TNKS: variants seen among roughly 807,000 people sequenced by gnomAD.
TNKS encodes tankyrase.
A neutral mutation model predicts 135.8 loss-of-function variants in TNKS; 72 were observed. The ratio of observed to expected loss-of-function variants is 0.53; its 90% CI spans 0.44 to 0.64. The LOEUF is 0.64. Ranked by LOEUF, TNKS falls within the 30% of genes least tolerant of loss-of-function variation. The pLI is 0.00. For missense variants in TNKS, 1,769 were observed against 1,674.0 expected, an observed-to-expected ratio of 1.06 and a Z score of -0.99; for synonymous variants, 849 against 649.3, an observed-to-expected ratio of 1.31 and a Z score of -4.68.
intron 5 of TNKS, among the ~76,000 whole-genome samples, chr8:9,686,070 C>A (rs1471671311): frequency 1.3e-5 from 2 of 152,184 alleles, no homozygotes; most frequent in East Asian, 3.8e-4. Context: ...GTCTAGCCCC[C>A]TGCCACACTG....
intron 21 of TNKS, 76 bp downstream of exon 21, chr8:9,761,712 C>T (rs1807158397): frequency 1.4e-6 from 2 of 1,455,826 alleles, no homozygotes; most frequent in African/African-American, 1.5e-5. Context: ...TAATTGAACT[C>T]AGGCAGTCCA....
At chr8:9,586,901 C>A (rs1252502532) in intron 2 of TNKS, among the ~76,000 whole-genome samples, 1 of 152,030 alleles carries the variant, frequency 6.6e-6, no homozygotes. Context: ...CTGCGAAGAA[C>A]AATGAAACAG....
chr8:9,729,030 G>A (rs999469126), intron 13 of TNKS, among the ~76,000 whole-genome samples: 1 of 152,172 alleles, frequency 6.6e-6, no homozygotes, highest in Non-Finnish European at 1.5e-5. Flanking sequence ...CCAGGTACTC[G>A]TAGGCTTAGT....
At chr8:9,681,928 C>T (rs1802799214) in intron 5 of TNKS, among the ~76,000 whole-genome samples, 1 of 151,944 alleles carries the variant, frequency 6.6e-6, no homozygotes, top group Non-Finnish European at 1.5e-5. Context: ...TATTTTGTTT[C>T]TCTGGGTAAT....
intron 5 of TNKS, among the ~76,000 whole-genome samples, chr8:9,698,374 G>GAAAAAAAAAAAAAA (rs34311181): frequency 1.1e-4 from 11 of 98,764 alleles, no homozygotes; most frequent in East Asian, 7.3e-4. Context: ...ATTTTAAAAT[G>GAAAAAAAAAAAAAA]AAAAAAAAAA....
At chr8:9,715,858 G>T (rs1488607540) in intron 11 of TNKS, among the ~76,000 whole-genome samples, 2 of 151,918 alleles carry the variant, frequency 1.3e-5, no homozygotes, top group African/African-American at 4.8e-5. Flanking sequence ...GTCTAAATAG[G>T]AAAGACATGA....
chr8:9,736,098 T>G (rs1475912574), intron 17 of TNKS, among the ~76,000 whole-genome samples: 5 of 149,076 alleles, frequency 3.4e-5, no homozygotes, highest in Admixed American at 1.3e-4. Context: ...ATATATAATG[T>G]AAAATAATAT....
At chr8:9,669,443 A>G (rs1802167553) in intron 3 of TNKS, among the ~76,000 whole-genome samples, 3 of 149,206 alleles carry the variant, frequency 2.0e-5, no homozygotes, top group Admixed American at 6.8e-5. Flanking sequence ...AAAAAAAAAA[A>G]AGAATGGAAA....
chr8:9,690,610 A>G (rs1023721878), intron 5 of TNKS, among the ~76,000 whole-genome samples: 1 of 152,130 alleles, frequency 6.6e-6, no homozygotes, highest in African/African-American at 2.4e-5. Context: ...AAATGTAAAA[A>G]TTAGCTGGGT....
chr8:9,775,841 C>A (rs935179877), intron 26 of TNKS, among the ~76,000 whole-genome samples: 1 of 152,080 alleles, frequency 6.6e-6, no homozygotes, highest in Non-Finnish European at 1.5e-5. Flanking sequence ...CTCTGAACTA[C>A]TGAATCTAGT....
intron 2 of TNKS, among the ~76,000 whole-genome samples, chr8:9,586,846 G>A (rs1798400203): frequency 6.6e-6 from 1 of 151,678 alleles, no homozygotes; most frequent in Non-Finnish European, 1.5e-5. Flanking sequence ...AGGGAAGACT[G>A]AAGACTTTGC....
chr8:9,638,259 G>C (rs1800589482), intron 3 of TNKS, among the ~76,000 whole-genome samples: 1 of 152,196 alleles, frequency 6.6e-6, no homozygotes, highest in Non-Finnish European at 1.5e-5. Context: ...ACAGATACAA[G>C]GTGCTGCCTC....
intron 5 of TNKS, among the ~76,000 whole-genome samples, chr8:9,687,231 G>C (rs963053420): frequency 2.0e-5 from 3 of 152,188 alleles, no homozygotes; most frequent in African/African-American, 7.2e-5. Flanking sequence ...TCCTAGCTCA[G>C]ATGCTACTTG....
In TNKS at chr8:9,645,338, G is replaced by A. The variant is rs1362471211; in HGVS notation, c.994+29661G>A. ...ACTGGAATGGTGTGAATTCACCACA[G>A]TGGTCAGAGTTTTCAAAGACCATGC... On this transcript the variant is annotated intron_variant, in intron 3 of 26. Transcript: ENST00000310430. 2.0e-5 allele frequency among the ~76,000 whole-genome samples: 3 copies of A among 152,186 alleles called. No homozygotes were observed. The East Asian group carries it at 5.8e-4, about 29-fold the overall frequency.
chr8:9,766,456 C>T (rs373235643), intron 25 of TNKS, 31 bp downstream of exon 25: 129 of 1,461,696 alleles, frequency 8.8e-5, no homozygotes, highest in Admixed American at 1.1e-4. Flanking sequence ...GTAACGTTTC[C>T]CACCCCTAGG....
In TNKS at chr8:9,615,385, C is replaced by G. The variant is rs931082552; in HGVS notation, c.899-197C>G. 3.1e-5 allele frequency: 14 copies of G among 446,146 alleles called. No homozygotes were observed. In the East Asian group the frequency reaches 4.8e-4, roughly 15 times the overall value. 27.6% of individuals were successfully genotyped at this position (446,146 alleles called of 1,614,324 possible). On this transcript the variant is annotated intron_variant, in intron 2 of 26. Coordinates refer to ENST00000310430, the MANE Select transcript of TNKS (RefSeq NM_003747.3). ...GTTAAGTCATGTGATAATATTGTAC[C>G]ATAAGTTGCCAACTTCATTTCACTC...
chr8:9,772,557 C>T (rs1022292850), intron 26 of TNKS: 6 of 360,810 alleles, frequency 1.7e-5, no homozygotes, highest in Non-Finnish European at 2.7e-5. Context: ...GACATGAAAA[C>T]GAAGTTAACC....
chr8:9,670,361 C>G (rs1212075260), intron 3 of TNKS, among the ~76,000 whole-genome samples: 1 of 152,092 alleles, frequency 6.6e-6, no homozygotes, highest in Admixed American at 6.6e-5. Flanking sequence ...AAATTTAGGT[C>G]ATCTTAAAAT....
intron 3 of TNKS, among the ~76,000 whole-genome samples, chr8:9,666,744 C>G (rs1268947694): frequency 6.6e-6 from 1 of 150,434 alleles, no homozygotes; most frequent in African/African-American, 2.4e-5. Flanking sequence ...AAGTAAAATA[C>G]ATAGCAATCT....
Sources: allele counts gnomAD v4.1 joint callset (sites outside exome capture counted in the v4.1 genomes callset), GRCh38; gene constraint gnomAD v4.1.1; transcripts MANE v1.5; gene names NCBI Gene and HGNC (gene_info 2026-07-23, HGNC 2026-07-21).